RPAP2: variants seen among roughly 807,000 people sequenced by gnomAD.
RPAP2 encodes the protein RNA polymerase II associated protein 2.
Under a neutral mutation model 73.1 loss-of-function variants are expected in RPAP2, and 52 were observed. That is an observed-to-expected ratio of 0.71 (90% CI 0.57 to 0.90). The LOEUF (loss-of-function observed/expected upper bound fraction) is 0.90, where lower values mean the gene tolerates loss of function less well. RPAP2 is among the 40% of genes least tolerant of loss of function. The probability of loss-of-function intolerance (pLI) is 0.00; values close to 1 mark genes in which losing one functional copy is unlikely to be tolerated. For synonymous variants in RPAP2, 225 were observed against 242.1 expected (o/e 0.93, Z 0.65); for missense variants, 598 against 701.8 (o/e 0.85, Z 1.67).
At chr1:92,371,197 C>T (rs1187389865) in intron 11 of RPAP2, among the ~76,000 whole-genome samples, 2 of 151,558 alleles carry the variant, frequency 1.3e-5, no homozygotes, top group African/African-American at 2.4e-5. Context: ...CCCAGCTACT[C>T]GGGAGGCTGA....
intron 10 of RPAP2, among the ~76,000 whole-genome samples, chr1:92,345,461 G>C (rs1653839311): frequency 6.7e-6 from 1 of 149,030 alleles, no homozygotes; most frequent in African/African-American, 2.5e-5. Context: ...GGGACAGAGG[G>C]AGGGAGGGAA....
At chr1:92,311,116 T>C (rs1651571010) in intron 6 of RPAP2, among the ~76,000 whole-genome samples, 1 of 152,246 alleles carries the variant, frequency 6.6e-6, no homozygotes, top group Non-Finnish European at 1.5e-5. Flanking sequence ...CTTAATTGAT[T>C]GGTCCTGATC....
Position 92,394,137 on chromosome 1 carries a change from T to TA in RPAP2, c.*7127dup, listed in dbSNP as rs1656123882. The TA allele has an allele frequency of 6.6e-6, 1 of 152,220 alleles. No individual in the cohort carries two copies. Among genetic ancestry groups the TA allele is most frequent in the South Asian group, 2.1e-4 (1 of 4,828 alleles). 9.4% of individuals were successfully genotyped at this position (152,220 alleles called of 1,614,324 possible). On this transcript the variant is annotated 3_prime_UTR_variant, in exon 13 of 13. Transcript: ENST00000610020. ...GTGGCACATGTATACCATGGAATAC[T>TA]ATGCAGCCATAAAAAAGGATGAGTT...
At chr1:92,334,840 T>C (rs922845286) in intron 9 of RPAP2, among the ~76,000 whole-genome samples, 1 of 151,510 alleles carries the variant, frequency 6.6e-6, no homozygotes, top group South Asian at 2.1e-4. Context: ...CAAAAAAAAT[T>C]AGCCGGGCGT....
Position 92,396,128 on chromosome 1 carries a change from T to C in RPAP2, c.*9117T>C, listed in dbSNP as rs994581332. 2.0e-5 allele frequency: 3 copies of C among 152,016 alleles called. No individual in the cohort carries two copies. Among genetic ancestry groups the C allele is most frequent in the Admixed American group, 6.6e-5 (1 of 15,254 alleles). The allele number at this position is 152,016 out of a possible 1,614,324, so 9.4% of individuals were successfully genotyped here. On this transcript the variant is annotated 3_prime_UTR_variant, in exon 13 of 13. Transcript: ENST00000610020. ...GGAAATGTGTTCACATCAAGACTCGTAGGCAAATGTTCATAGCATTATCAT... is the reference window on the plus strand; with the variant it reads ...GGAAATGTGTTCACATCAAGACTCGCAGGCAAATGTTCATAGCATTATCAT...
At chr1:92,373,707 C>T (rs557271537) in intron 11 of RPAP2, among the ~76,000 whole-genome samples, 128 of 128,430 alleles carry the variant, frequency 1.0e-3, no homozygotes, top group Non-Finnish European at 1.6e-3. Flanking sequence ...AGCAGCCTGG[C>T]CAACATGGTG....
chr1:92,361,556 A>G (rs1308011349), intron 11 of RPAP2, among the ~76,000 whole-genome samples: 7 of 152,168 alleles, frequency 4.6e-5, no homozygotes, highest in Non-Finnish European at 8.8e-5. Context: ...CATTATAGAG[A>G]TGTAATCTGT....
chr1:92,306,975 G>A (rs1044909160), intron 5 of RPAP2, among the ~76,000 whole-genome samples: 7 of 152,184 alleles, frequency 4.6e-5, no homozygotes, highest in African/African-American at 1.7e-4. Flanking sequence ...ATTTATGGTA[G>A]TGGTTACTTC....
chr1:92,389,695 C>T lies in RPAP2; in HGVS notation c.*2684C>T, dbSNP rs1419479017. 1 of 152,152 alleles carries T rather than the reference C, an allele frequency of 6.6e-6. No individual in the cohort carries two copies. Among genetic ancestry groups the T allele is most frequent in the Admixed American group, 6.5e-5 (1 of 15,272 alleles). 9.4% of individuals were successfully genotyped at this position (152,152 alleles called of 1,614,324 possible). ...CTAGAATAACCAGTGTAGAGAAGAG[C>T]TTAAATGACCTGATGGAGCTGAAAA... is the stretch of plus-strand genomic sequence containing the variant. On this transcript the variant is annotated 3_prime_UTR_variant, in exon 13 of 13. Coordinates refer to ENST00000610020, the MANE Select transcript of RPAP2 (RefSeq NM_024813.3).
At chr1:92,381,236 T>C (rs918664507) in intron 12 of RPAP2, among the ~76,000 whole-genome samples, 2 of 152,198 alleles carry the variant, frequency 1.3e-5, no homozygotes, top group African/African-American at 4.8e-5. Flanking sequence ...CAGTGATCCA[T>C]TGTGAACATC....
At chr1:92,299,435 C>T (rs1650623527) in intron 1 of RPAP2, among the ~76,000 whole-genome samples, 1 of 152,096 alleles carries the variant, frequency 6.6e-6, no homozygotes, top group Admixed American at 6.6e-5. Context: ...CTGGGGTCCC[C>T]GGGTTTCGGG....
chr1:92,300,293 T>G (rs894030728), intron 2 of RPAP2, 54 bp downstream of exon 2: 1 of 1,317,208 alleles, frequency 7.6e-7, no homozygotes, highest in Non-Finnish European at 1.1e-6. Context: ...CTTGTATTAC[T>G]TGTACCAATT....
intron 5 of RPAP2, among the ~76,000 whole-genome samples, chr1:92,306,269 T>C (rs2101112622): frequency 6.6e-6 from 1 of 152,300 alleles, no homozygotes; most frequent in South Asian, 2.1e-4. Context: ...TAAAAAGAGT[T>C]CTAAAGATGA....
At chr1:92,353,423 A>C (rs1212307362) in intron 11 of RPAP2, among the ~76,000 whole-genome samples, 1 of 152,226 alleles carries the variant, frequency 6.6e-6, no homozygotes, top group African/African-American at 2.4e-5. Flanking sequence ...AAATATGCCT[A>C]ATCTCATTGA....
intron 11 of RPAP2, among the ~76,000 whole-genome samples, chr1:92,356,775 A>T (rs909315848): frequency 1.2e-4 from 18 of 151,682 alleles, no homozygotes; most frequent in African/African-American, 4.4e-4. Context: ...GTCTCATTAA[A>T]AAATGGGCCA....
At chr1:92,343,078 GTGTT>G (rs1653687102) in intron 10 of RPAP2, among the ~76,000 whole-genome samples, 1 of 152,170 alleles carries the variant, frequency 6.6e-6, no homozygotes, top group Non-Finnish European at 1.5e-5. Context: ...AAGGGAAAGA[GTGTT>G]TGTTTATACA....
Position 92,369,407 on chromosome 1 carries a change from G to A in RPAP2, c.1689-11317G>A, listed in dbSNP as rs1655056557. Among the ~76,000 whole-genome samples the A allele has an allele frequency of 3.3e-5, 5 of 152,136 alleles. No individual in the cohort carries two copies. In the South Asian group the frequency reaches 1.0e-3, roughly 32 times the overall value. ...CCTGGGGTCAAGTTTACAAGTTGTGGGAACCGATCCTCCCACCTCAGCCTC... is the reference window on the plus strand; with the variant it reads ...CCTGGGGTCAAGTTTACAAGTTGTGAGAACCGATCCTCCCACCTCAGCCTC... On this transcript the variant is annotated intron_variant, in intron 11 of 12. Coordinates refer to ENST00000610020, the MANE Select transcript of RPAP2 (RefSeq NM_024813.3).
intron 8 of RPAP2, among the ~76,000 whole-genome samples, chr1:92,328,741 A>G (rs1282271532): frequency 6.6e-6 from 1 of 152,084 alleles, no homozygotes; most frequent in Non-Finnish European, 1.5e-5. Context: ...TATTACTAGA[A>G]TTGTTTTTCT....
chr1:92,379,526 G>T (rs1655529775), intron 11 of RPAP2, among the ~76,000 whole-genome samples: 4 of 152,194 alleles, frequency 2.6e-5, no homozygotes, highest in Admixed American at 2.6e-4. Context: ...CCATTGTGCA[G>T]AGTCAATCTT....
Sources: gnomAD v4.1 joint callset for allele counts (sites outside exome capture counted in the v4.1 genomes callset) on GRCh38, gnomAD v4.1.1 for gene constraint, MANE v1.5 for transcripts, NCBI Gene and HGNC (gene_info 2026-07-23, HGNC 2026-07-21) for gene names.